The following TMEM244 variants were observed in gnomAD, a reference collection of about 807,000 sequenced individuals.
TMEM244 encodes transmembrane protein 244, also known as putative transmembrane protein 244.
Under a neutral mutation model 15.8 loss-of-function variants are expected in TMEM244, and 13 were observed. The observed-to-expected ratio is 0.82, with a 90% CI of 0.53 to 1.30. The LOEUF is 1.30. TMEM244 is among the 50% of genes most tolerant of loss of function. The pLI is 0.00. For missense variants in TMEM244, 161 were observed against 144.9 expected (o/e 1.11, Z -0.57); for synonymous variants, 45 against 48.7 (o/e 0.92, Z 0.32).
intron 1 of TMEM244, 103 bp from the exon 2 acceptor site, chr6:129,845,955 G>T: frequency 1.3e-6 from 1 of 776,558 alleles, no homozygotes. Context: ...GATAGTGTTG[G>T]CTAGCCTTGT....
At chr6:129,845,968 TG>T in intron 1 of TMEM244, 116 bp from the exon 2 acceptor site, 1 of 681,582 alleles carries the variant, frequency 1.5e-6, no homozygotes, top group Non-Finnish European at 2.5e-6. Flanking sequence ...AGCCTTGTAT[TG>T]CTTAAGGACC....
chr6:129,851,642 T>C (rs1361418816), intron 1 of TMEM244, among the ~76,000 whole-genome samples: 2 of 152,186 alleles, frequency 1.3e-5, no homozygotes, highest in African/African-American at 4.8e-5. Context: ...GTTGAGTGAA[T>C]AGCCCAAGGA....
chr6:129,843,188 A>G (rs184350735), intron 3 of TMEM244, among the ~76,000 whole-genome samples: 2 of 152,162 alleles, frequency 1.3e-5, no homozygotes, highest in Admixed American at 1.3e-4. Flanking sequence ...TTAATTTTCT[A>G]TTTTATATCT....
intron 1 of TMEM244, among the ~76,000 whole-genome samples, chr6:129,856,305 C>G (rs1050661469): frequency 6.6e-6 from 1 of 152,098 alleles, no homozygotes; most frequent in East Asian, 1.9e-4. Context: ...TTTTCATATA[C>G]ACTTTTGTCT....
intron 1 of TMEM244, among the ~76,000 whole-genome samples, chr6:129,859,714 C>G (rs543566008): frequency 2.2e-4 from 34 of 152,326 alleles, no homozygotes; most frequent in African/African-American, 5.8e-4. Context: ...ATGACTCTTT[C>G]CCTTGAGTCA....
At chr6:129,856,872 G>A (rs149792656) in intron 1 of TMEM244, among the ~76,000 whole-genome samples, 2,274 of 152,000 alleles carry the variant, frequency 0.015, 21 homozygotes, top group Non-Finnish European at 0.022. Flanking sequence ...ATTCAAAAAT[G>A]AGAAAAATTT....
chr6:129,856,578 A>G (rs960222450), intron 1 of TMEM244, among the ~76,000 whole-genome samples: 1 of 152,160 alleles, frequency 6.6e-6, no homozygotes, highest in African/African-American at 2.4e-5. Flanking sequence ...ATGGTTTCAC[A>G]GGTGTTGCAA....
At chr6:129,841,935 C>A (rs1776496822) in intron 3 of TMEM244, among the ~76,000 whole-genome samples, 1 of 152,112 alleles carries the variant, frequency 6.6e-6, no homozygotes, top group Non-Finnish European at 1.5e-5. Flanking sequence ...CTCACAGCAA[C>A]AACTTTGAAG....
intron 1 of TMEM244, among the ~76,000 whole-genome samples, chr6:129,857,839 T>A (rs1361539088): frequency 6.7e-6 from 1 of 149,350 alleles, no homozygotes. Context: ...TGTATATATA[T>A]GTACATATAT....
At chr6:129,846,602 A>G (rs113886069) in intron 1 of TMEM244, among the ~76,000 whole-genome samples, 19 of 152,320 alleles carry the variant, frequency 1.2e-4, no homozygotes, top group Admixed American at 4.6e-4. Context: ...CCTAAATGCC[A>G]ATATTTGTAT....
At chr6:129,839,196 C>T (rs1014975365) in intron 3 of TMEM244, among the ~76,000 whole-genome samples, 10 of 152,052 alleles carry the variant, frequency 6.6e-5, no homozygotes, top group Admixed American at 2.6e-4. Flanking sequence ...ACTGTCAAAC[C>T]GAATCCAGCA....
chr6:129,833,679 G>T, intron 3 of TMEM244, 94 bp from the exon 4 acceptor site: 2 of 1,308,622 alleles, frequency 1.5e-6, no homozygotes, highest in African/African-American at 1.5e-5. Flanking sequence ...CTTACTTTGA[G>T]AATAAATTTT....
At chr6:129,859,868 A>T (rs952391087) in intron 1 of TMEM244, among the ~76,000 whole-genome samples, 2 of 152,228 alleles carry the variant, frequency 1.3e-5, no homozygotes, top group Non-Finnish European at 2.9e-5. Context: ...TTAATTTATA[A>T]GCATATCAGT....
chr6:129,848,048 A>G (rs930152036), intron 1 of TMEM244, among the ~76,000 whole-genome samples: 1 of 152,086 alleles, frequency 6.6e-6, no homozygotes. Context: ...TGCGGGGATT[A>G]CAGGCATGAG....
intron 1 of TMEM244, among the ~76,000 whole-genome samples, chr6:129,847,149 T>C (rs1435375852): frequency 1.3e-5 from 2 of 152,068 alleles, no homozygotes; most frequent in South Asian, 2.1e-4. Context: ...AGTATGTAAA[T>C]AGGCAATTCA....
chr6:129,850,853 T>G (rs1346766033), intron 1 of TMEM244, among the ~76,000 whole-genome samples: 1 of 152,210 alleles, frequency 6.6e-6, no homozygotes, highest in Non-Finnish European at 1.5e-5. Context: ...TTTCAAATGC[T>G]AAATGGCCAT....
chr6:129,852,908 A>G (rs1457259087), intron 1 of TMEM244, among the ~76,000 whole-genome samples: 1 of 151,996 alleles, frequency 6.6e-6, no homozygotes, highest in Non-Finnish European at 1.5e-5. Flanking sequence ...TTCTCCCTCA[A>G]GACCTGGTGC....
chr6:129,833,865 A>G (rs1301031156), intron 3 of TMEM244, among the ~76,000 whole-genome samples: 1 of 152,238 alleles, frequency 6.6e-6, no homozygotes, highest in African/African-American at 2.4e-5. Context: ...GAAGTGTTAC[A>G]ATATAACCAA....
intron 1 of TMEM244, among the ~76,000 whole-genome samples, chr6:129,860,467 C>T (rs928067969): frequency 6.6e-6 from 1 of 152,030 alleles, no homozygotes; most frequent in African/African-American, 2.4e-5. Flanking sequence ...GAAATACACA[C>T]GGTGCTGATA....
Sources: gnomAD v4.1 joint callset for allele counts (sites outside exome capture counted in the v4.1 genomes callset) on GRCh38, gnomAD v4.1.1 for gene constraint, MANE v1.5 for transcripts, NCBI Gene and HGNC (gene_info 2026-07-23, HGNC 2026-07-21) for gene names.